The following UGT1A8 variants were observed in gnomAD, a reference collection of about 807,000 sequenced individuals.
The protein encoded by UGT1A8 is UDP-glucuronosyltransferase 1A8.
In UGT1A8, 39 loss-of-function variants were observed where a neutral mutation model predicts 45.3. That is an observed-to-expected ratio of 0.86 (90% CI 0.67 to 1.12). The LOEUF (loss-of-function observed/expected upper bound fraction) is 1.12. UGT1A8 is among the 50% of genes most tolerant of loss of function. The pLI is 0.00. For synonymous variants in UGT1A8, 275 were observed against 249.2 expected (o/e 1.10, Z -0.97); for missense variants, 719 against 664.9 (o/e 1.08, Z -0.90).
intron 1 of UGT1A8, among the ~76,000 whole-genome samples, chr2:233,716,476 C>T: frequency 6.6e-6 from 1 of 152,028 alleles, no homozygotes; most frequent in Non-Finnish European, 1.5e-5. Flanking sequence ...TGTTTCTGTC[C>T]TCCGTAGTCT....
intron 1 of UGT1A8, chr2:233,754,823 A>T (rs1695601999): frequency 7.5e-7 from 1 of 1,338,226 alleles, no homozygotes; most frequent in South Asian, 1.2e-5. Flanking sequence ...CACCCTCAAA[A>T]GCTGGAAATT....
chr2:233,704,010 C>A (rs945281801), intron 1 of UGT1A8, among the ~76,000 whole-genome samples: 1 of 152,084 alleles, frequency 6.6e-6, no homozygotes, highest in Non-Finnish European at 1.5e-5. Flanking sequence ...CCCACCTCAG[C>A]CGCCCGAGCA....
intron 3 of UGT1A8, 57 bp from the exon 4 acceptor site, chr2:233,768,163 T>A: frequency 6.2e-7 from 1 of 1,613,480 alleles, no homozygotes; most frequent in Non-Finnish European, 8.5e-7. Flanking sequence ...CCTAGATGTG[T>A]CCAGCTGTGA....
intron 1 of UGT1A8, among the ~76,000 whole-genome samples, chr2:233,712,032 A>C (rs564582261): frequency 2.6e-4 from 40 of 152,322 alleles, no homozygotes; most frequent in African/African-American, 8.4e-4. Flanking sequence ...TTGGTGCTGG[A>C]TTGACTTGGA....
chr2:233,646,013 C>T (rs2073592900), intron 1 of UGT1A8, among the ~76,000 whole-genome samples: 1 of 152,234 alleles, frequency 6.6e-6, no homozygotes, highest in Non-Finnish European at 1.5e-5. Context: ...CCAGGCATAT[C>T]CATACAGCCT....
chr2:233,656,330 C>CCAGT (rs2073852407), intron 1 of UGT1A8, among the ~76,000 whole-genome samples: 2 of 152,328 alleles, frequency 1.3e-5, no homozygotes, highest in South Asian at 4.1e-4. Flanking sequence ...TCTGTGATCA[C>CCAGT]CAGTCACTGG....
At chr2:233,630,950 A>G (rs942966706) in intron 1 of UGT1A8, among the ~76,000 whole-genome samples, 2 of 151,048 alleles carry the variant, frequency 1.3e-5, no homozygotes, top group African/African-American at 2.4e-5. Context: ...TCCTTCATCT[A>G]CATTAGGTAT....
Position 233,684,659 on chromosome 2 carries a change from T to G in UGT1A8, c.855+66097T>G, listed in dbSNP as rs1447960748. Among the ~76,000 whole-genome samples the G allele has an allele frequency of 1.1e-4, 16 of 152,160 alleles. 1 individual carries two copies. The highest frequency in any genetic ancestry group is 9.8e-4 in the Admixed American group (15 of 15,270). ...TAAAATATATGCATTTATATGCCTT[T>G]AAGGAATATACATATGATAGGATTT... On this transcript the variant is annotated intron_variant, in intron 1 of 4. Transcript: ENST00000373450.
chr2:233,671,718 A>T, intron 1 of UGT1A8: 1 of 1,035,694 alleles, frequency 9.7e-7, no homozygotes, highest in Non-Finnish European at 1.3e-6. Context: ...ACCATAAGCT[A>T]CTGTTGTCTG....
intron 1 of UGT1A8, chr2:233,760,709 C>A (rs774109568): frequency 6.2e-7 from 1 of 1,614,204 alleles, no homozygotes; most frequent in African/African-American, 1.3e-5. Flanking sequence ...GCCTCCCTGG[C>A]AGAAAGCAGC....
Position 233,695,329 on chromosome 2 carries a change from T to C in UGT1A8, c.856-71705T>C, listed in dbSNP as rs1478779015. ...TTAGTAGAGGCGGGGTTTCACCACG[T>C]TGGCCAGGATGGTCTCAATCTCTTG... On this transcript the variant is annotated intron_variant, in intron 1 of 4. Coordinates refer to ENST00000373450, the MANE Select transcript of UGT1A8 (RefSeq NM_019076.5). 5.3e-5 allele frequency among the ~76,000 whole-genome samples: 8 copies of C among 152,048 alleles called. No individual in the cohort carries two copies. The East Asian group carries it at 1.5e-3, about 29-fold the overall frequency.
chr2:233,736,505 A>G (rs530894832), intron 1 of UGT1A8, among the ~76,000 whole-genome samples: 2 of 152,202 alleles, frequency 1.3e-5, no homozygotes, highest in South Asian at 2.1e-4. Flanking sequence ...TCTGAAGCCT[A>G]CTTCTGTCAA....
chr2:233,761,191 T>G, intron 1 of UGT1A8: 1 of 1,614,162 alleles, frequency 6.2e-7, no homozygotes, highest in Non-Finnish European at 8.5e-7. Context: ...GTATATTCTT[T>G]CAGATGTATT....
chr2:233,719,190 C>A (rs772886660), intron 1 of UGT1A8: 19 of 1,614,048 alleles, frequency 1.2e-5, no homozygotes, highest in Admixed American at 1.0e-4. Flanking sequence ...ATCTTTGGCC[C>A]TTCATAGGTG....
At chr2:233,706,052 G>A (rs1005743022) in intron 1 of UGT1A8, among the ~76,000 whole-genome samples, 4 of 152,128 alleles carry the variant, frequency 2.6e-5, no homozygotes, top group Admixed American at 1.3e-4. Flanking sequence ...CCGAGATCAC[G>A]CCACTGCATG....
intron 1 of UGT1A8, among the ~76,000 whole-genome samples, chr2:233,649,804 A>G (rs2073695081): frequency 6.6e-6 from 1 of 151,968 alleles, no homozygotes; most frequent in Non-Finnish European, 1.5e-5. Flanking sequence ...CACCCAAAAA[A>G]CTGTTACCAT....
intron 1 of UGT1A8, chr2:233,693,637 C>T (rs1342546287): frequency 6.2e-7 from 1 of 1,614,222 alleles, no homozygotes. Context: ...GAGTGGCCAA[C>T]TTCCTTGTTA....
chr2:233,656,409 G>A (rs1330944741), intron 1 of UGT1A8, among the ~76,000 whole-genome samples: 2 of 152,218 alleles, frequency 1.3e-5, no homozygotes, highest in Admixed American at 6.5e-5. Context: ...GTGGCTTATG[G>A]AACAAGGAAT....
chr2:233,704,199 C>A (rs1162056746), intron 1 of UGT1A8, among the ~76,000 whole-genome samples: 1 of 147,548 alleles, frequency 6.8e-6, no homozygotes, highest in Non-Finnish European at 1.5e-5. Context: ...CCCCATTTTA[C>A]TTTTTATGCT....
Sources: allele counts gnomAD v4.1 joint callset (sites outside exome capture counted in the v4.1 genomes callset), GRCh38; gene constraint gnomAD v4.1.1; transcripts MANE v1.5; gene names NCBI Gene and HGNC (gene_info 2026-07-23, HGNC 2026-07-21).